Variants in SPATA16 observed in about 807,000 individuals in gnomAD.
SPATA16 encodes the protein spermatogenesis-associated protein 16.
SPATA16 carries 36 observed loss-of-function variants against 63.3 expected under a neutral mutation model. The observed-to-expected ratio is 0.57, with a 90% CI of 0.44 to 0.75. The LOEUF is 0.75. Ranked by LOEUF, SPATA16 falls within the 30% of genes least tolerant of loss-of-function variation. The pLI, the probability that SPATA16 is intolerant of heterozygous loss-of-function variation, is 0.00. For synonymous variants in SPATA16, 203 were observed against 216.7 expected (o/e 0.94, Z 0.56); for missense variants, 646 against 679.3 (o/e 0.95, Z 0.54).
chr3:172,925,321 G>C lies in SPATA16; in HGVS notation c.1228+25C>G, dbSNP rs753481813. ...ACTCATCACAGGCTACTATATGCTA[G>C]ACCTTGTAGGTTCAGATGATTTACC... On this transcript the variant is annotated intron_variant, in intron 7 of 10. Coordinates refer to ENST00000351008, the MANE Select transcript of SPATA16 (RefSeq NM_031955.6). 2.5e-6 allele frequency: 4 copies of C among 1,613,510 alleles called. No individual in the cohort carries two copies. The South Asian group carries it at 4.4e-5, about 18-fold the overall frequency.
chr3:173,092,369 T>G (rs1560120291), intron 2 of SPATA16, among the ~76,000 whole-genome samples: 1 of 152,320 alleles, frequency 6.6e-6, no homozygotes, highest in East Asian at 1.9e-4. Context: ...TCCTCAAAGA[T>G]GTCTATATCC....
intron 2 of SPATA16, among the ~76,000 whole-genome samples, chr3:173,081,022 C>G (rs971376996): frequency 7.9e-5 from 12 of 152,214 alleles, no homozygotes; most frequent in African/African-American, 2.9e-4. Flanking sequence ...AAGGCAACAC[C>G]CAAACTGCTG....
intron 10 of SPATA16, among the ~76,000 whole-genome samples, chr3:172,908,334 C>G (rs28697146): frequency 0.13 from 19,869 of 152,162 alleles, 1,848 homozygotes; most frequent in African/African-American, 0.26. Flanking sequence ...AAATCATAAC[C>G]TGGTCATTTT....
chr3:173,006,424 A>G (rs1257273657), intron 4 of SPATA16, among the ~76,000 whole-genome samples: 2 of 152,258 alleles, frequency 1.3e-5, no homozygotes, highest in South Asian at 2.1e-4. Flanking sequence ...ATTTGTAGGC[A>G]TAAATGAGAA....
intron 3 of SPATA16, among the ~76,000 whole-genome samples, chr3:173,027,324 T>C (rs930526943): frequency 3.6e-4 from 55 of 152,140 alleles, no homozygotes; most frequent in African/African-American, 1.2e-3. Flanking sequence ...AAAAATACTT[T>C]GGGATTTTCT....
At chr3:172,898,783 T>G (rs192083797) in intron 10 of SPATA16, among the ~76,000 whole-genome samples, 1 of 151,912 alleles carries the variant, frequency 6.6e-6, no homozygotes, top group African/African-American at 2.4e-5. Context: ...TTTTTCTAGG[T>G]TTTTGAACTC....
In SPATA16 at chr3:172,889,559, C is replaced by T; in HGVS notation, c.*11G>A. 6.2e-7 allele frequency: 1 copy of T among 1,613,498 alleles called. No individual in the cohort carries two copies. ...TGGGATATCTTAGTGGTAGTGCCTGCTCCCTAATGACTACCTTTGCTGAAC... is the reference window on the plus strand; with the variant it reads ...TGGGATATCTTAGTGGTAGTGCCTGTTCCCTAATGACTACCTTTGCTGAAC... On this transcript the variant is annotated 3_prime_UTR_variant, in exon 11 of 11. Coordinates refer to ENST00000351008, the MANE Select transcript of SPATA16 (RefSeq NM_031955.6).
At chr3:172,990,841 G>C (rs1214895717) in intron 4 of SPATA16, among the ~76,000 whole-genome samples, 1 of 152,076 alleles carries the variant, frequency 6.6e-6, no homozygotes, top group Non-Finnish European at 1.5e-5. Context: ...CCCCTTTTCT[G>C]TTTGGACCAG....
chr3:172,965,244 A>C (rs1306309490), intron 5 of SPATA16, among the ~76,000 whole-genome samples: 1 of 152,190 alleles, frequency 6.6e-6, no homozygotes, highest in African/African-American at 2.4e-5. Flanking sequence ...ATGGGATTCA[A>C]ATTAGTTACA....
chr3:173,088,567 A>AT (rs903978926), intron 2 of SPATA16, among the ~76,000 whole-genome samples: 1 of 152,096 alleles, frequency 6.6e-6, no homozygotes, highest in African/African-American at 2.4e-5. Flanking sequence ...ACATAAATGT[A>AT]TTTTTTTGTG....
intron 2 of SPATA16, among the ~76,000 whole-genome samples, chr3:173,075,027 A>AG (rs1269157759): frequency 2.0e-5 from 3 of 151,476 alleles, no homozygotes; most frequent in Non-Finnish European, 4.4e-5. Flanking sequence ...AGAAAAGAAA[A>AG]AAAGAAAAAC....
intron 10 of SPATA16, among the ~76,000 whole-genome samples, chr3:172,896,311 C>G (rs1482176206): frequency 6.6e-6 from 1 of 152,214 alleles, no homozygotes; most frequent in African/African-American, 2.4e-5. Context: ...AGCTCCGCCT[C>G]CCGGGTTCAC....
intron 1 of SPATA16, among the ~76,000 whole-genome samples, chr3:173,123,682 C>A (rs1327718759): frequency 1.3e-5 from 2 of 150,798 alleles, no homozygotes; most frequent in Non-Finnish European, 2.9e-5. Flanking sequence ...CAGCTCACTG[C>A]AAACTCCGCC....
chr3:173,073,316 A>G (rs1736715310), intron 2 of SPATA16, among the ~76,000 whole-genome samples: 1 of 152,250 alleles, frequency 6.6e-6, no homozygotes, highest in Non-Finnish European at 1.5e-5. Flanking sequence ...GCCAAATGTT[A>G]ATGGTCAAGA....
chr3:173,012,464 G>A (rs1312738013), intron 4 of SPATA16, among the ~76,000 whole-genome samples: 1 of 152,068 alleles, frequency 6.6e-6, no homozygotes, highest in Non-Finnish European at 1.5e-5. Context: ...AGCCCATATA[G>A]CCAAAGTAAT....
intron 2 of SPATA16, among the ~76,000 whole-genome samples, chr3:173,051,334 T>G (rs1039984166): frequency 6.6e-6 from 1 of 151,660 alleles, no homozygotes; most frequent in Non-Finnish European, 1.5e-5. Flanking sequence ...TCCCAAGTAG[T>G]TGGGATTACA....
chr3:173,062,188 T>G (rs1162746131), intron 2 of SPATA16, among the ~76,000 whole-genome samples: 3 of 151,984 alleles, frequency 2.0e-5, no homozygotes, highest in Non-Finnish European at 4.4e-5. Context: ...CACATTAACC[T>G]TCAGAGTTTT....
Position 173,079,658 on chromosome 3 carries a change from G to A in SPATA16, c.613-30564C>T, listed in dbSNP as rs9830465. Among the ~76,000 whole-genome samples, 527 of 152,084 alleles carry A rather than the reference G, an allele frequency of 3.5e-3. 2 individuals carry two copies. Among genetic ancestry groups the A allele is most frequent in the African/African-American group, 0.012 (499 of 41,480 alleles). On this transcript the variant is annotated intron_variant, in intron 2 of 10. Coordinates refer to ENST00000351008, the MANE Select transcript of SPATA16 (RefSeq NM_031955.6). ...AGAATGAACTGAAGTGGTATGCACC[G>A]GTTAGCCAGTTAGCACATATTGAAG...
chr3:172,952,021 T>G (rs532078880), intron 6 of SPATA16, among the ~76,000 whole-genome samples: 3 of 152,212 alleles, frequency 2.0e-5, no homozygotes, highest in Non-Finnish European at 4.4e-5. Context: ...GAAAGCTTCA[T>G]AATTGTATTT....
Sources: gnomAD v4.1 joint callset for allele counts (sites outside exome capture counted in the v4.1 genomes callset) on GRCh38, gnomAD v4.1.1 for gene constraint, MANE v1.5 for transcripts, NCBI Gene and HGNC (gene_info 2026-07-23, HGNC 2026-07-21) for gene names.